Variants in LRP1B observed in about 807,000 individuals in gnomAD.
LRP1B encodes the protein LDL receptor related protein 1B.
A neutral mutation model predicts 556.6 loss-of-function variants in LRP1B; 217 were observed. The observed-to-expected ratio is 0.39, with a 90% CI of 0.35 to 0.44. The LOEUF (loss-of-function observed/expected upper bound fraction) is 0.44, where lower values mean the gene tolerates loss of function less well. LRP1B is among the 20% of genes least tolerant of loss of function. LRP1B has a pLI of 1.00. For synonymous variants in LRP1B, 2,047 were observed against 1,865.8 expected (o/e 1.10, Z -2.50); for missense variants, 5,053 against 5,620.8 (o/e 0.90, Z 3.23).
At chr2:140,762,057 C>T (rs1458265444) in intron 35 of LRP1B, among the ~76,000 whole-genome samples, 2 of 152,012 alleles carry the variant, frequency 1.3e-5, no homozygotes, top group African/African-American at 4.8e-5. Flanking sequence ...GAGTCTTCTG[C>T]CCCTCAGTCT....
intron 66 of LRP1B, among the ~76,000 whole-genome samples, chr2:140,402,017 G>A (rs1426349911): frequency 1.3e-5 from 2 of 152,158 alleles, no homozygotes; most frequent in Non-Finnish European, 2.9e-5. Flanking sequence ...ACTGCTGAGC[G>A]ACCTGAGGAC....
intron 3 of LRP1B, among the ~76,000 whole-genome samples, chr2:141,304,349 A>G (rs1319450257): frequency 2.6e-5 from 4 of 151,748 alleles, no homozygotes; most frequent in Non-Finnish European, 5.9e-5. Flanking sequence ...AGATCAACGT[A>G]TTGAAGTCTT....
At chr2:140,281,268 T>C (rs1682901855) in intron 84 of LRP1B, among the ~76,000 whole-genome samples, 2 of 151,992 alleles carry the variant, frequency 1.3e-5, no homozygotes, top group African/African-American at 2.4e-5. Flanking sequence ...GCCATATAGC[T>C]ATACAATCTA....
chr2:141,033,963 C>A (rs187918725), intron 11 of LRP1B, among the ~76,000 whole-genome samples: 4 of 152,160 alleles, frequency 2.6e-5, no homozygotes, highest in African/African-American at 7.2e-5. Context: ...TATTTCAATT[C>A]CATTCTTTGA....
intron 41 of LRP1B, among the ~76,000 whole-genome samples, chr2:140,655,942 C>CAAAAGAAAAAAAA (rs1684865998): frequency 6.8e-6 from 1 of 146,220 alleles, no homozygotes; most frequent in South Asian, 2.2e-4. Flanking sequence ...GACTCCGTCT[C>CAAAAGAAAAAAAA]AAAAAAAACA....
intron 81 of LRP1B, among the ~76,000 whole-genome samples, chr2:140,322,656 T>G (rs1243727569): frequency 6.6e-6 from 1 of 152,088 alleles, no homozygotes; most frequent in Non-Finnish European, 1.5e-5. Context: ...GGAGTTTGTG[T>G]GCATGTCTAA....
At position 140,456,610 on chromosome 2, in the gene LRP1B, A is replaced by G; in HGVS notation, c.9815-7T>C. The G allele has an allele frequency of 6.2e-7, 1 of 1,605,082 alleles. No homozygotes were observed. Among genetic ancestry groups the G allele is most frequent in the Non-Finnish European group, 8.5e-7 (1 of 1,175,588 alleles). ...ATGCAGAGATGTTTGGAGACTAAAG[A>G]TAAGAAAGAAACAACAACAACAAAA... On this transcript the variant is annotated splice_region_variant and splice_polypyrimidine_tract_variant and intron_variant, in intron 61 of 90. Coordinates refer to ENST00000389484, the MANE Select transcript of LRP1B (RefSeq NM_018557.3).
At chr2:140,597,424 C>A (rs528164475) in intron 43 of LRP1B, among the ~76,000 whole-genome samples, 2 of 152,094 alleles carry the variant, frequency 1.3e-5, no homozygotes, top group East Asian at 3.9e-4. Flanking sequence ...AATATCATGA[C>A]ATAATAAAAA....
At chr2:141,286,277 A>G (rs1685717702) in intron 3 of LRP1B, among the ~76,000 whole-genome samples, 1 of 152,112 alleles carries the variant, frequency 6.6e-6, no homozygotes, top group South Asian at 2.1e-4. Flanking sequence ...TTTCACATTT[A>G]AAGTCAACCT....
intron 1 of LRP1B, among the ~76,000 whole-genome samples, chr2:141,975,916 T>C (rs947176761): frequency 2.0e-5 from 3 of 152,278 alleles, no homozygotes; most frequent in South Asian, 2.1e-4. Context: ...CAATATTCCA[T>C]ATAAAATCAT....
intron 39 of LRP1B, 126 bp downstream of exon 39, chr2:140,702,015 G>A: frequency 7.5e-7 from 1 of 1,324,982 alleles, no homozygotes; most frequent in Non-Finnish European, 1.0e-6. Flanking sequence ...CCTTTTCTGT[G>A]GAAATTACTG....
intron 43 of LRP1B, among the ~76,000 whole-genome samples, chr2:140,552,142 T>G: frequency 6.6e-6 from 1 of 152,146 alleles, no homozygotes; most frequent in East Asian, 1.9e-4. Flanking sequence ...TGTGCTATTT[T>G]TATAATTAAA....
chr2:141,823,009 G>A (rs997574825), intron 1 of LRP1B, among the ~76,000 whole-genome samples: 1 of 152,166 alleles, frequency 6.6e-6, no homozygotes, highest in Non-Finnish European at 1.5e-5. Context: ...GATGTGCAGA[G>A]TGTATTGTTC....
intron 3 of LRP1B, among the ~76,000 whole-genome samples, chr2:141,301,100 G>T (rs1168756985): frequency 6.6e-6 from 1 of 152,042 alleles, no homozygotes; most frequent in East Asian, 1.9e-4. Flanking sequence ...TTATGTTGTG[G>T]GGTATGGAGT....
chr2:141,395,106 C>T (rs554291107), intron 3 of LRP1B, among the ~76,000 whole-genome samples: 6 of 152,090 alleles, frequency 3.9e-5, no homozygotes, highest in Admixed American at 2.6e-4. Context: ...GCTGTTGTAA[C>T]CTCATTTTAC....
intron 3 of LRP1B, among the ~76,000 whole-genome samples, chr2:141,272,540 C>T (rs1260940402): frequency 1.3e-5 from 2 of 152,016 alleles, no homozygotes; most frequent in Non-Finnish European, 2.9e-5. Flanking sequence ...AGCATAAAAA[C>T]TTCAGATCAG....
intron 1 of LRP1B, among the ~76,000 whole-genome samples, chr2:142,009,656 T>A (rs1176675175): frequency 6.6e-6 from 1 of 152,238 alleles, no homozygotes; most frequent in Non-Finnish European, 1.5e-5. Flanking sequence ...TGTAAGACAT[T>A]ACAAAATATT....
intron 2 of LRP1B, among the ~76,000 whole-genome samples, chr2:141,536,006 A>G (rs1685058638): frequency 6.6e-6 from 1 of 152,136 alleles, no homozygotes; most frequent in African/African-American, 2.4e-5. Context: ...AACACAACAC[A>G]TACAAAAATA....
chr2:141,191,341 AAG>A (rs1313005804), intron 6 of LRP1B, among the ~76,000 whole-genome samples: 1 of 151,904 alleles, frequency 6.6e-6, no homozygotes, highest in Non-Finnish European at 1.5e-5. Flanking sequence ...CCTCCCCTAA[AAG>A]AGTTTCCTTC....
Sources: gnomAD v4.1 joint callset for allele counts (sites outside exome capture counted in the v4.1 genomes callset) on GRCh38, gnomAD v4.1.1 for gene constraint, MANE v1.5 for transcripts, NCBI Gene and HGNC (gene_info 2026-07-23, HGNC 2026-07-21) for gene names.